The following FBXL17 variants were observed in gnomAD, a reference collection of about 807,000 sequenced individuals.
FBXL17 encodes the protein F-box and leucine rich repeat protein 17.
In FBXL17, 22 loss-of-function variants were observed where a neutral mutation model predicts 66.2. That is an observed-to-expected ratio of 0.33 (90% CI 0.24 to 0.47). The LOEUF (loss-of-function observed/expected upper bound fraction) is 0.47. FBXL17 is among the 20% of genes least tolerant of loss of function. The probability of loss-of-function intolerance (pLI) is 1.00; values close to 1 mark genes in which losing one functional copy is unlikely to be tolerated. For missense variants in FBXL17, 878 were observed against 948.2 expected, an observed-to-expected ratio of 0.93 and a Z score of 0.97; for synonymous variants, 474 against 400.5, an observed-to-expected ratio of 1.18 and a Z score of -2.19.
chr5:108,282,757 A>C (rs1757749977), intron 4 of FBXL17, among the ~76,000 whole-genome samples: 1 of 150,104 alleles, frequency 6.7e-6, no homozygotes, highest in Admixed American at 6.6e-5. Flanking sequence ...TATCTAAAAA[A>C]ATTTAAAGAC....
chr5:107,957,635 C>T (rs1751716141), intron 7 of FBXL17, among the ~76,000 whole-genome samples: 1 of 152,114 alleles, frequency 6.6e-6, no homozygotes, highest in South Asian at 2.1e-4. Context: ...AACACCTATA[C>T]AGTTCTGCGC....
At chr5:108,338,819 T>C (rs1350217958) in intron 4 of FBXL17, among the ~76,000 whole-genome samples, 1 of 152,184 alleles carries the variant, frequency 6.6e-6, no homozygotes, top group Non-Finnish European at 1.5e-5. Flanking sequence ...GGTAACTTTA[T>C]GTTCAAACCT....
At chr5:108,057,499 C>G (rs546130566) in intron 6 of FBXL17, among the ~76,000 whole-genome samples, 312 of 152,256 alleles carry the variant, frequency 2.0e-3, no homozygotes, top group Admixed American at 2.7e-3. Context: ...TTAACTCCAT[C>G]TCCCCAAGCT....
chr5:108,380,167 T>A (rs1442438480), intron 1 of FBXL17, among the ~76,000 whole-genome samples: 1 of 152,170 alleles, frequency 6.6e-6, no homozygotes, highest in Non-Finnish European at 1.5e-5. Context: ...TCTTCCTGTA[T>A]AAAATAAAGA....
At chr5:108,303,361 AACACACACACAC>A (rs58495859) in intron 4 of FBXL17, among the ~76,000 whole-genome samples, 2 of 141,868 alleles carry the variant, frequency 1.4e-5, no homozygotes, top group Non-Finnish European at 3.1e-5. Flanking sequence ...CACAGGCATA[AACACACACACAC>A]ACACACACAC....
intron 6 of FBXL17, among the ~76,000 whole-genome samples, chr5:108,126,664 CATAT>C (rs869283993): frequency 1.8e-4 from 19 of 107,962 alleles, no homozygotes; most frequent in Non-Finnish European, 3.6e-4. Context: ...TATATATATA[CATAT>C]ATATATATAT....
chr5:108,146,897 T>C (rs185287301), intron 6 of FBXL17, among the ~76,000 whole-genome samples: 54 of 152,254 alleles, frequency 3.5e-4, no homozygotes, highest in Non-Finnish European at 5.1e-4. Context: ...TTAGACTGGG[T>C]AATTCAAAAG....
chr5:107,915,974 T>C (rs1259839272), intron 7 of FBXL17, among the ~76,000 whole-genome samples: 6 of 152,244 alleles, frequency 3.9e-5, no homozygotes, highest in Non-Finnish European at 8.8e-5. Flanking sequence ...ATATTTTCTC[T>C]CACTGTATAA....
At chr5:108,191,672 G>A (rs1255130172) in intron 5 of FBXL17, among the ~76,000 whole-genome samples, 1 of 152,112 alleles carries the variant, frequency 6.6e-6, no homozygotes, top group Non-Finnish European at 1.5e-5. Context: ...AGTTCTATTT[G>A]ACTCTTGAAC....
intron 7 of FBXL17, among the ~76,000 whole-genome samples, chr5:107,973,196 C>T (rs959435197): frequency 2.0e-5 from 3 of 152,128 alleles, no homozygotes; most frequent in Non-Finnish European, 4.4e-5. Flanking sequence ...AAGAGCTAAA[C>T]GTGCCTTATG....
At chr5:107,932,303 T>A (rs929004567) in intron 7 of FBXL17, among the ~76,000 whole-genome samples, 5 of 152,222 alleles carry the variant, frequency 3.3e-5, no homozygotes, top group African/African-American at 9.6e-5. Context: ...TAATTTATCT[T>A]CTTAGTAGTA....
chr5:107,997,334 T>C (rs1445918602), intron 7 of FBXL17, among the ~76,000 whole-genome samples: 1 of 152,178 alleles, frequency 6.6e-6, no homozygotes, highest in Non-Finnish European at 1.5e-5. Context: ...TCCTAACTTA[T>C]ATGTAAAATT....
intron 4 of FBXL17, among the ~76,000 whole-genome samples, chr5:108,318,256 C>T (rs1471381049): frequency 6.6e-6 from 1 of 151,708 alleles, no homozygotes; most frequent in African/African-American, 2.4e-5. Context: ...ATAATACACC[C>T]AGTAACTTAG....
chr5:108,122,578 A>G (rs1349218498), intron 6 of FBXL17, among the ~76,000 whole-genome samples: 3 of 152,232 alleles, frequency 2.0e-5, no homozygotes, highest in African/African-American at 7.2e-5. Context: ...AGAAACAGAA[A>G]TAATCTCTAG....
At chr5:107,898,683 A>G (rs1019984756) in intron 7 of FBXL17, among the ~76,000 whole-genome samples, 4 of 151,920 alleles carry the variant, frequency 2.6e-5, no homozygotes, top group African/African-American at 9.7e-5. Context: ...ATGTGTTCTC[A>G]TTGTTCAACT....
At chr5:108,197,791 A>G (rs1753737492) in intron 5 of FBXL17, among the ~76,000 whole-genome samples, 1 of 152,146 alleles carries the variant, frequency 6.6e-6, no homozygotes, top group African/African-American at 2.4e-5. Flanking sequence ...GAAATGTTGT[A>G]TCTACACTCT....
At chr5:108,340,608 ACATAAAGAATGGCAT>A (rs1746815742) in intron 4 of FBXL17, among the ~76,000 whole-genome samples, 1 of 152,206 alleles carries the variant, frequency 6.6e-6, no homozygotes, top group African/African-American at 2.4e-5. Context: ...TAAATTTGAT[ACATAAAGAATGGCAT>A]CATTAATGTG....
chr5:108,363,295 T>C (rs1031713630), intron 3 of FBXL17, among the ~76,000 whole-genome samples: 1 of 152,010 alleles, frequency 6.6e-6, no homozygotes, highest in African/African-American at 2.4e-5. Context: ...CTCTTTCTAC[T>C]ATACCCATAA....
intron 5 of FBXL17, among the ~76,000 whole-genome samples, chr5:108,212,398 G>A (rs1754413807): frequency 6.6e-6 from 1 of 152,166 alleles, no homozygotes; most frequent in Middle Eastern, 3.2e-3. Flanking sequence ...TGATCCTTTG[G>A]AGGAGAAGAG....
Sources: allele counts gnomAD v4.1 joint callset (sites outside exome capture counted in the v4.1 genomes callset), GRCh38; gene constraint gnomAD v4.1.1; transcripts MANE v1.5; gene names NCBI Gene and HGNC (gene_info 2026-07-23, HGNC 2026-07-21).